TMEM260: variants seen among roughly 807,000 people sequenced by gnomAD.
TMEM260 encodes protein O-mannosyl-transferase TMEM260.
Under a neutral mutation model 88.9 loss-of-function variants are expected in TMEM260, and 82 were observed. That is an observed-to-expected ratio of 0.92 (90% CI 0.77 to 1.11). The LOEUF (loss-of-function observed/expected upper bound fraction) is 1.11, where lower values mean the gene tolerates loss of function less well. Ranked by LOEUF, TMEM260 falls within the 50% of genes least tolerant of loss-of-function variation. The probability of loss-of-function intolerance (pLI) is 0.00; values close to 1 mark genes in which losing one functional copy is unlikely to be tolerated. For missense variants in TMEM260, 902 were observed against 853.4 expected, an observed-to-expected ratio of 1.06 and a Z score of -0.71; for synonymous variants, 314 against 309.3, an observed-to-expected ratio of 1.02 and a Z score of -0.16.
rs562146233 is a variant in TMEM260 at position 56,603,728 on chromosome 14, A to G, written c.345-87A>G. On this transcript the variant is annotated intron_variant, in intron 3 of 15. Coordinates refer to ENST00000261556, the MANE Select transcript of TMEM260 (RefSeq NM_017799.4). ...TGGAGTAGTGCTGGGTGACTATCAT[A>G]ATTTCTGCTGGTACAGTTTACCAAA... is the stretch of plus-strand genomic sequence containing the variant. 4.9e-4 allele frequency: 719 copies of G among 1,453,596 alleles called. 2 individuals are homozygous for G. In the African/African-American group the frequency reaches 8.4e-3, roughly 17 times the overall value. The allele number at this position is 1,453,596 out of a possible 1,614,324, so 90.0% of individuals were successfully genotyped here. A position where few individuals can be genotyped will look rare whatever the true frequency, so the allele number is the denominator to read the frequency against.
chr14:56,650,485 T>G (rs1388700680), downstream of TMEM260: 1 of 155,282 alleles, frequency 6.4e-6, no homozygotes, highest in East Asian at 1.9e-4. Flanking sequence ...TTTTGTTGTT[T>G]TTTAAAAGCA....
At chr14:56,603,721 CTA>C (rs1186940556) in intron 3 of TMEM260, 92 bp from the exon 4 acceptor site, 44 of 1,341,272 alleles carry the variant, frequency 3.3e-5, no homozygotes, top group Non-Finnish European at 4.4e-5. Flanking sequence ...TGCTGGGTGA[CTA>C]TCATAATTTC....
intron 13 of TMEM260, among the ~76,000 whole-genome samples, chr14:56,634,696 G>T (rs748015558): frequency 6.6e-6 from 1 of 152,084 alleles, no homozygotes; most frequent in African/African-American, 2.4e-5. Context: ...ACAAAAATGA[G>T]CTGGGTGTGG....
At chr14:56,645,056 C>G (rs1889861770) in intron 15 of TMEM260, among the ~76,000 whole-genome samples, 1 of 150,696 alleles carries the variant, frequency 6.6e-6, no homozygotes, top group South Asian at 2.1e-4. Context: ...GGACTGTAAA[C>G]TAGTTCAACC....
intron 11 of TMEM260, among the ~76,000 whole-genome samples, chr14:56,621,926 CATTT>C (rs1026806668): frequency 6.6e-6 from 1 of 152,024 alleles, no homozygotes; most frequent in African/African-American, 2.4e-5. Flanking sequence ...CATTTAAAAA[CATTT>C]AAACTGAACG....
intron 3 of TMEM260, among the ~76,000 whole-genome samples, chr14:56,597,497 A>G (rs1056717091): frequency 2.9e-4 from 44 of 152,204 alleles, no homozygotes; most frequent in African/African-American, 9.7e-4. Context: ...GATGAAACAT[A>G]AAGTTTGATG....
chr14:56,606,267 T>C (rs775980271), intron 5 of TMEM260, among the ~76,000 whole-genome samples: 2 of 152,200 alleles, frequency 1.3e-5, no homozygotes, highest in Non-Finnish European at 2.9e-5. Flanking sequence ...GGAAAATTAC[T>C]TCATTAGGCA....
chr14:56,607,758 A>G (rs1887003197), intron 5 of TMEM260, among the ~76,000 whole-genome samples: 2 of 152,118 alleles, frequency 1.3e-5, no homozygotes, highest in African/African-American at 2.4e-5. Flanking sequence ...TTCTACCCCA[A>G]AATAATTCTG....
chr14:56,642,484 G>C (rs1359242762), intron 15 of TMEM260, among the ~76,000 whole-genome samples: 2 of 152,104 alleles, frequency 1.3e-5, no homozygotes, highest in Non-Finnish European at 2.9e-5. Context: ...CAACATACCA[G>C]AATCTCTGGG....
chr14:56,642,872 C>T (rs1889699503), intron 15 of TMEM260, among the ~76,000 whole-genome samples: 2 of 152,170 alleles, frequency 1.3e-5, no homozygotes, highest in Admixed American at 6.5e-5. Context: ...TCAGAGACTA[C>T]TATAAACACG....
chr14:56,604,700 T>G (rs1453473006), intron 4 of TMEM260, among the ~76,000 whole-genome samples: 1 of 152,196 alleles, frequency 6.6e-6, no homozygotes. Flanking sequence ...AATACACTTT[T>G]TAAAGAGTGA....
At chr14:56,604,902 G>A (rs1886801350) in intron 4 of TMEM260, among the ~76,000 whole-genome samples, 1 of 152,198 alleles carries the variant, frequency 6.6e-6, no homozygotes, top group South Asian at 2.1e-4. Context: ...CTGAATTCTT[G>A]CTGAAAGCAA....
rs1187945011 is a variant in TMEM260, at chr14:56,612,432, T to C, written c.857+147T>C. ...TCTACAGTTAACAGTTGTTTGTGTT[T>C]ACAGTTGTCCCTCAGTATCCATGGG... is the stretch of plus-strand genomic sequence containing the variant. On this transcript the variant is annotated intron_variant, in intron 7 of 15. Transcript: ENST00000261556. 4.3e-6 allele frequency: 3 copies of C among 702,342 alleles called. No homozygotes were observed. In the East Asian group the frequency reaches 8.2e-5, roughly 19 times the overall value. 43.5% of individuals were successfully genotyped at this position (702,342 alleles called of 1,614,324 possible). A position where few individuals can be genotyped will look rare whatever the true frequency, so the allele number is the denominator to read the frequency against.
chr14:56,580,155 T>G, intron 1 of TMEM260, 81 bp downstream of exon 1: 1 of 1,183,348 alleles, frequency 8.5e-7, no homozygotes, highest in Non-Finnish European at 1.1e-6. Context: ...GCCCCTGCTC[T>G]TGGCATTCGG....
the TMEM260 span, among the ~76,000 whole-genome samples, chr14:56,656,055 T>C: frequency 0.032 from 4,842 of 152,220 alleles, 135 homozygotes; most frequent in East Asian, 0.15. Flanking sequence ...CCAGAAGCAC[T>C]GTATAGTATA....
At position 56,585,911 on chromosome 14, in the gene TMEM260, A is replaced by G; in HGVS notation, c.343A>G (p.Arg115Gly). 2 of 1,612,118 alleles carry G rather than the reference A, an allele frequency of 1.2e-6. No homozygotes were observed. The highest frequency in any genetic ancestry group is 1.7e-6 in the Non-Finnish European group (2 of 1,179,232). The change falls in exon 3 of 16, where the codon AGG becomes GGG. Residue 115 changes from arginine (R) to glycine (G), a missense_variant and splice_region_variant. Physicochemically the swap from Arg to Gly is moderately radical, Grantham distance 125 (BLOSUM62 -2). Transcript: ENST00000261556. Reference protein sequence around the residue: ...AASLLFFTVFRLSGSSAGGIL... With the variant: ...AASLLFFTVFGLSGSSAGGIL... The stretch of plus-strand genomic sequence containing the variant: ...ATCATTACTTTTTTTCACCGTTTTC[A>G]GGTAAAGTAGTTGATTAGTTAAAAT...
Position 56,585,844 on chromosome 14 carries a change from C to T in TMEM260, c.276C>T (p.Tyr92=), listed in dbSNP as rs746230777. 3 of 1,613,592 alleles carry T rather than the reference C, an allele frequency of 1.9e-6. No homozygotes were observed. The highest frequency in any genetic ancestry group is 2.5e-6 in the Non-Finnish European group (3 of 1,179,732). The change falls in exon 3 of 16, where the codon TAC becomes TAT. Residue 92 remains tyrosine, a synonymous_variant. Transcript: ENST00000261556. ...TGTTTCCTTTTGGTTCAATTGCCTA[C>T]CGCGTCAATCTTCTCTGTGGCTTAT... ...ITLFPFGSIA[Y]RVNLLCGLFG...
At chr14:56,595,327 G>A (rs1886138866) in intron 3 of TMEM260, among the ~76,000 whole-genome samples, 1 of 151,948 alleles carries the variant, frequency 6.6e-6, no homozygotes, top group African/African-American at 2.4e-5. Flanking sequence ...TTATTGATAT[G>A]GAGGGTTCAT....
chr14:56,656,491 C>T, the TMEM260 span, among the ~76,000 whole-genome samples: 7 of 152,158 alleles, frequency 4.6e-5, no homozygotes, highest in African/African-American at 9.6e-5. Flanking sequence ...ATATAATAGA[C>T]TACCTCATGG....
Sources: gnomAD v4.1 joint callset for allele counts (sites outside exome capture counted in the v4.1 genomes callset) on GRCh38, gnomAD v4.1.1 for gene constraint, MANE v1.5 for transcripts, NCBI Gene and HGNC (gene_info 2026-07-23, HGNC 2026-07-21) for gene names.